AGBL1: variants seen among roughly 807,000 people sequenced by gnomAD.
AGBL1 encodes the protein cytosolic carboxypeptidase 4.
A neutral mutation model predicts 118.9 loss-of-function variants in AGBL1; 130 were observed. The observed-to-expected ratio is 1.09, with a 90% CI of 0.95 to 1.26. The LOEUF is 1.26. Ranked by LOEUF, AGBL1 falls within the 50% of genes most tolerant of loss-of-function variation. The probability of loss-of-function intolerance (pLI) is 0.00; values close to 1 mark genes in which losing one functional copy is unlikely to be tolerated. For missense variants in AGBL1, 1,584 were observed against 1,298.1 expected (o/e 1.22, Z -3.38); for synonymous variants, 555 against 478.9 (o/e 1.16, Z -2.08).
At position 86,911,697 on chromosome 15, in the gene AGBL1, C is replaced by T. The variant is rs77904849; in HGVS notation, c.*4403C>T. The T allele has an allele frequency of 0.032, 4,901 of 152,268 alleles. 108 individuals carry two copies. Among genetic ancestry groups the T allele is most frequent in the Non-Finnish European group, 0.048 (3,287 of 68,030 alleles). The allele number at this position is 152,268 out of a possible 1,614,324, so 9.4% of individuals were successfully genotyped here. ...TAAATGTACTTTTTGATTTTTCTAA[C>T]ATTTTCACATTTTTCCTCTGCCTCT... is the stretch of plus-strand genomic sequence containing the variant. On this transcript the variant is annotated 3_prime_UTR_variant, in exon 23 of 23. Transcript: ENST00000614907.
At chr15:86,542,523 T>C (rs2083518144) in intron 19 of AGBL1, among the ~76,000 whole-genome samples, 1 of 151,974 alleles carries the variant, frequency 6.6e-6, no homozygotes. Context: ...CATGCCACCA[T>C]GCCTGGCCAA....
rs2078808659 is a variant in AGBL1 at position 86,251,127 on chromosome 15, G to C, written c.735+3248G>C. Reference sequence around the variant, plus strand: ...CTCTCCAATATTGATAATTTCAAAAGCTTTTGAGGTAGGATCTATTATTAT... The same window carrying C: ...CTCTCCAATATTGATAATTTCAAAACCTTTTGAGGTAGGATCTATTATTAT... On this transcript the variant is annotated intron_variant, in intron 7 of 22. Coordinates refer to ENST00000614907, the MANE Select transcript of AGBL1 (RefSeq NM_001386094.1). 2.0e-5 allele frequency among the ~76,000 whole-genome samples: 3 copies of C among 152,320 alleles called. No individual in the cohort carries two copies. In the South Asian group the frequency reaches 6.2e-4, roughly 32 times the overall value.
chr15:86,924,428 T>C (rs1235593950), intron 23 of AGBL1, among the ~76,000 whole-genome samples: 3 of 152,232 alleles, frequency 2.0e-5, no homozygotes, highest in Non-Finnish European at 4.4e-5. Context: ...CAAATTACTT[T>C]GAAGTACAGC....
intron 5 of AGBL1, among the ~76,000 whole-genome samples, chr15:86,170,652 C>G (rs1291645654): frequency 6.6e-6 from 1 of 151,844 alleles, no homozygotes; most frequent in Non-Finnish European, 1.5e-5. Flanking sequence ...CGAGACCACC[C>G]TGGGCAACAT....
At chr15:86,410,733 A>G (rs1268636809) in intron 18 of AGBL1, among the ~76,000 whole-genome samples, 4 of 142,630 alleles carry the variant, frequency 2.8e-5, no homozygotes, top group African/African-American at 1.0e-4. Flanking sequence ...AGTTTTGCAA[A>G]GAGATCCAGG....
intron 21 of AGBL1, among the ~76,000 whole-genome samples, chr15:86,599,838 A>T (rs571855571): frequency 6.6e-6 from 1 of 152,244 alleles, no homozygotes; most frequent in African/African-American, 2.4e-5. Flanking sequence ...GGTTAATAAC[A>T]AATTGGGTGA....
At chr15:87,028,217 C>T (rs1199848582) in intron 24 of AGBL1, among the ~76,000 whole-genome samples, 3 of 151,808 alleles carry the variant, frequency 2.0e-5, no homozygotes, top group Admixed American at 6.6e-5. Context: ...TGAGATTTCT[C>T]TGAGAATGTC....
At chr15:86,931,529 C>G (rs2141636115) in intron 23 of AGBL1, among the ~76,000 whole-genome samples, 1 of 151,798 alleles carries the variant, frequency 6.6e-6, no homozygotes, top group Non-Finnish European at 1.5e-5. Flanking sequence ...CATTATTTCA[C>G]TGAAAAATTA....
intron 22 of AGBL1, among the ~76,000 whole-genome samples, chr15:86,855,186 C>A (rs1341777751): frequency 6.6e-6 from 1 of 152,286 alleles, no homozygotes; most frequent in Middle Eastern, 3.4e-3. Flanking sequence ...TATATATATT[C>A]AGTGGAAGAT....
At chr15:86,135,271 G>A (rs2076874027) in intron 1 of AGBL1, among the ~76,000 whole-genome samples, 1 of 152,234 alleles carries the variant, frequency 6.6e-6, no homozygotes, top group African/African-American at 2.4e-5. Context: ...CATACCATGA[G>A]CAGAAATAGC....
At chr15:86,961,977 A>T (rs938335371) in intron 23 of AGBL1, among the ~76,000 whole-genome samples, 7 of 152,128 alleles carry the variant, frequency 4.6e-5, no homozygotes, top group African/African-American at 7.2e-5. Flanking sequence ...AAAAGCCTGG[A>T]TGTGAGGATA....
chr15:86,566,129 C>A (rs1036264837), intron 21 of AGBL1, among the ~76,000 whole-genome samples: 2 of 145,248 alleles, frequency 1.4e-5, no homozygotes, highest in Admixed American at 6.7e-5. Context: ...GGGCTGCACT[C>A]ACTGTCCTGC....
intron 21 of AGBL1, among the ~76,000 whole-genome samples, chr15:86,633,045 A>G (rs1023930005): frequency 1.3e-5 from 2 of 151,920 alleles, no homozygotes; most frequent in Admixed American, 6.6e-5. Flanking sequence ...GACATAAGCC[A>G]TTCTTTATAT....
intron 21 of AGBL1, among the ~76,000 whole-genome samples, chr15:86,618,685 C>T (rs916126049): frequency 2.6e-5 from 4 of 152,150 alleles, no homozygotes; most frequent in Non-Finnish European, 5.9e-5. Flanking sequence ...TGTGGTAAGA[C>T]ATGCAGATTT....
At chr15:86,801,421 T>TA (rs2141349504) in intron 22 of AGBL1, among the ~76,000 whole-genome samples, 1 of 152,110 alleles carries the variant, frequency 6.6e-6, no homozygotes, top group South Asian at 2.1e-4. Flanking sequence ...GCCTGCTACT[T>TA]ACTGTGTTGC....
At chr15:86,471,522 T>C (rs1196401263) in intron 18 of AGBL1, among the ~76,000 whole-genome samples, 1 of 151,444 alleles carries the variant, frequency 6.6e-6, no homozygotes, top group Non-Finnish European at 1.5e-5. Context: ...TTTTATAGCT[T>C]CCTCATCTGG....
chr15:86,969,599 G>A (rs1298679279), intron 23 of AGBL1, among the ~76,000 whole-genome samples: 1 of 152,002 alleles, frequency 6.6e-6, no homozygotes, highest in Non-Finnish European at 1.5e-5. Context: ...CTATTTGCGT[G>A]GGAATGTGTA....
chr15:86,256,318 A>G (rs1329765983), intron 7 of AGBL1, among the ~76,000 whole-genome samples: 1 of 152,234 alleles, frequency 6.6e-6, no homozygotes, highest in Non-Finnish European at 1.5e-5. Flanking sequence ...AGAGGCATGT[A>G]ATTTAATTTA....
intron 21 of AGBL1, among the ~76,000 whole-genome samples, chr15:86,670,751 T>C (rs1350878809): frequency 1.3e-5 from 2 of 151,840 alleles, no homozygotes; most frequent in Non-Finnish European, 2.9e-5. Flanking sequence ...CATTTTTATT[T>C]AAATGAAATG....
Sources: gnomAD v4.1 joint callset for allele counts (sites outside exome capture counted in the v4.1 genomes callset) on GRCh38, gnomAD v4.1.1 for gene constraint, MANE v1.5 for transcripts, NCBI Gene and HGNC (gene_info 2026-07-23, HGNC 2026-07-21) for gene names.